The following DPYD variants were observed in gnomAD, a reference collection of about 807,000 sequenced individuals.
DPYD encodes dihydropyrimidine dehydrogenase.
Under a neutral mutation model 116.2 loss-of-function variants are expected in DPYD, and 109 were observed. The ratio of observed to expected loss-of-function variants is 0.94; its 90% CI spans 0.80 to 1.10. The LOEUF (loss-of-function observed/expected upper bound fraction) is 1.10, where lower values mean the gene tolerates loss of function less well. Ranked by LOEUF, DPYD falls within the 50% of genes least tolerant of loss-of-function variation. The probability of loss-of-function intolerance (pLI) is 0.00; values close to 1 mark genes in which losing one functional copy is unlikely to be tolerated. For synonymous variants in DPYD, 440 were observed against 432.0 expected (o/e 1.02, Z -0.23); for missense variants, 1,302 against 1,254.5 (o/e 1.04, Z -0.57).
intron 8 of DPYD, among the ~76,000 whole-genome samples, chr1:97,672,785 A>T (rs534263437): frequency 1.3e-5 from 2 of 152,334 alleles, no homozygotes; most frequent in Non-Finnish European, 2.9e-5. Context: ...TTGTGAAGGC[A>T]TGAGAGATTT....
At chr1:97,598,049 A>C (rs1300523332) in intron 8 of DPYD, among the ~76,000 whole-genome samples, 3 of 152,218 alleles carry the variant, frequency 2.0e-5, no homozygotes, top group Non-Finnish European at 4.4e-5. Context: ...GCACATCGTG[A>C]ATACTCATTA....
intron 6 of DPYD, among the ~76,000 whole-genome samples, chr1:97,695,186 G>T (rs1661227193): frequency 6.6e-6 from 1 of 151,902 alleles, no homozygotes; most frequent in Non-Finnish European, 1.5e-5. Context: ...CTGTCATTTT[G>T]TATGATCACA....
chr1:97,132,133 C>T (rs1252044953), intron 20 of DPYD, among the ~76,000 whole-genome samples: 1 of 152,132 alleles, frequency 6.6e-6, no homozygotes, highest in Non-Finnish European at 1.5e-5. Context: ...AACACACATA[C>T]ACAATGTAAT....
At chr1:97,730,295 C>T (rs1263189879) in intron 4 of DPYD, among the ~76,000 whole-genome samples, 1 of 152,134 alleles carries the variant, frequency 6.6e-6, no homozygotes, top group East Asian at 1.9e-4. Flanking sequence ...TATCTTGGCT[C>T]ACTGCAACCT....
chr1:97,717,252 A>C (rs976104913), intron 5 of DPYD, among the ~76,000 whole-genome samples: 1 of 152,108 alleles, frequency 6.6e-6, no homozygotes, highest in African/African-American at 2.4e-5. Context: ...ACAAGGATTG[A>C]GTAAAGTCAA....
chr1:97,102,813 A>G (rs1222193889), intron 20 of DPYD, among the ~76,000 whole-genome samples: 1 of 152,026 alleles, frequency 6.6e-6, no homozygotes, highest in Non-Finnish European at 1.5e-5. Context: ...GTCAGATTGA[A>G]TTATATGTCA....
chr1:97,619,363 G>C (rs1656495663), intron 8 of DPYD, among the ~76,000 whole-genome samples: 2 of 152,098 alleles, frequency 1.3e-5, no homozygotes, highest in Admixed American at 6.6e-5. Context: ...TGGTTGACAG[G>C]ACAAAATACC....
At chr1:97,548,062 A>C (rs1651034197) in intron 12 of DPYD, among the ~76,000 whole-genome samples, 1 of 152,226 alleles carries the variant, frequency 6.6e-6, no homozygotes. Context: ...AAATTAAAGG[A>C]AGCATTAAAG....
chr1:97,454,793 T>G (rs1362666975), intron 13 of DPYD, among the ~76,000 whole-genome samples: 2 of 151,836 alleles, frequency 1.3e-5, no homozygotes, highest in Non-Finnish European at 2.9e-5. Flanking sequence ...ACTACTGAAT[T>G]AAAACAGTCA....
At chr1:97,408,175 A>G (rs1673783712) in intron 14 of DPYD, among the ~76,000 whole-genome samples, 1 of 152,120 alleles carries the variant, frequency 6.6e-6, no homozygotes, top group African/African-American at 2.4e-5. Flanking sequence ...GATTTGGGTC[A>G]CTCAACCAGG....
In DPYD at chr1:97,698,758, AAT is replaced by A. The variant is rs773862707; in HGVS notation, c.680+591_680+592del. Among the ~76,000 whole-genome samples, 12 of 152,028 alleles carry A rather than the reference AAT, an allele frequency of 7.9e-5. 1 individual carries two copies. In the East Asian group the frequency reaches 2.1e-3, roughly 27 times the overall value. On this transcript the variant is annotated intron_variant, in intron 6 of 22. Coordinates refer to ENST00000370192, the MANE Select transcript of DPYD (RefSeq NM_000110.4). ...AAATTTTATTTCTTTATGATAATGA[AAT>A]ATGTGTCCCGTATAGAGTTCTGTTT...
At chr1:97,533,388 A>C (rs909289338) in intron 12 of DPYD, among the ~76,000 whole-genome samples, 1 of 152,210 alleles carries the variant, frequency 6.6e-6, no homozygotes, top group African/African-American at 2.4e-5. Context: ...TTTAAGTTAG[A>C]CAGAGATCCC....
intron 8 of DPYD, among the ~76,000 whole-genome samples, chr1:97,647,819 A>G (rs1200501709): frequency 6.6e-6 from 1 of 152,038 alleles, no homozygotes; most frequent in Non-Finnish European, 1.5e-5. Context: ...TGATAACCAA[A>G]ATTATGTCCA....
intron 7 of DPYD, among the ~76,000 whole-genome samples, chr1:97,685,548 G>A (rs540186586): frequency 3.3e-4 from 50 of 152,100 alleles, no homozygotes; most frequent in Admixed American, 6.5e-4. Flanking sequence ...AGAGGAAGTC[G>A]AACTGCCTGT....
At chr1:97,670,673 A>G (rs899954912) in intron 8 of DPYD, among the ~76,000 whole-genome samples, 1 of 152,154 alleles carries the variant, frequency 6.6e-6, no homozygotes, top group Non-Finnish European at 1.5e-5. Flanking sequence ...TACCCATAGT[A>G]TATGTTCACT....
chr1:97,359,209 A>G (rs1043246195), intron 16 of DPYD, among the ~76,000 whole-genome samples: 4 of 152,190 alleles, frequency 2.6e-5, no homozygotes, highest in Non-Finnish European at 4.4e-5. Flanking sequence ...AAGAAAGGGT[A>G]TCAGTGATTG....
intron 20 of DPYD, among the ~76,000 whole-genome samples, chr1:97,140,246 T>C (rs1476689992): frequency 6.6e-6 from 1 of 152,036 alleles, no homozygotes; most frequent in Non-Finnish European, 1.5e-5. Flanking sequence ...GGTTCCCTGA[T>C]AGTAGGGCCA....
chr1:97,637,637 G>C (rs1657648673), intron 8 of DPYD, among the ~76,000 whole-genome samples: 1 of 152,086 alleles, frequency 6.6e-6, no homozygotes, highest in South Asian at 2.1e-4. Flanking sequence ...AGTGAGAAAA[G>C]AGAAAGGGCA....
At chr1:97,315,904 T>C (rs886553300) in intron 16 of DPYD, among the ~76,000 whole-genome samples, 2 of 151,864 alleles carry the variant, frequency 1.3e-5, no homozygotes, top group Admixed American at 6.6e-5. Flanking sequence ...TTTAGGGACA[T>C]GGTAGGAGAC....
Sources: gnomAD v4.1 joint callset for allele counts (sites outside exome capture counted in the v4.1 genomes callset) on GRCh38, gnomAD v4.1.1 for gene constraint, MANE v1.5 for transcripts, NCBI Gene and HGNC (gene_info 2026-07-23, HGNC 2026-07-21) for gene names.